The following CLUAP1 variants were observed in gnomAD, a reference collection of about 807,000 sequenced individuals.
The protein encoded by CLUAP1 is intraflagellar transport 38, also known as clusterin-associated protein 1.
In CLUAP1, 50 loss-of-function variants were observed where a neutral mutation model predicts 55.0. The ratio of observed to expected loss-of-function variants is 0.91; its 90% CI spans 0.72 to 1.15. CLUAP1 has a LOEUF of 1.15. Ranked by LOEUF, CLUAP1 falls within the 50% of genes most tolerant of loss-of-function variation. The pLI, the probability that CLUAP1 is intolerant of heterozygous loss-of-function variation, is 0.00. For missense variants in CLUAP1, 530 were observed against 507.6 expected, an observed-to-expected ratio of 1.04 and a Z score of -0.42; for synonymous variants, 195 against 175.4, an observed-to-expected ratio of 1.11 and a Z score of -0.88.
intron 8 of CLUAP1, among the ~76,000 whole-genome samples, chr16:3,525,470 AAC>A (rs1198492526): frequency 6.6e-6 from 1 of 152,116 alleles, no homozygotes. Context: ...CCATGCCGGA[AAC>A]ACAGTGCTTT....
At chr16:3,513,238 C>T (rs2037666713) in intron 5 of CLUAP1, among the ~76,000 whole-genome samples, 1 of 152,148 alleles carries the variant, frequency 6.6e-6, no homozygotes, top group Non-Finnish European at 1.5e-5. Flanking sequence ...GTGACCTGGG[C>T]ATTGGGAGTT....
chr16:3,499,164 G>A (rs1196180063), upstream of CLUAP1, among the ~76,000 whole-genome samples: 3 of 152,246 alleles, frequency 2.0e-5, no homozygotes, highest in Admixed American at 6.5e-5. Flanking sequence ...CGCCAACATG[G>A]CGAAACTCCG....
upstream of CLUAP1, chr16:3,496,059 T>G: frequency 3.1e-6 from 1 of 323,860 alleles, no homozygotes; most frequent in South Asian, 2.6e-5. Flanking sequence ...GAGAATGGCG[T>G]GAACCCGGGA....
intron 9 of CLUAP1, among the ~76,000 whole-genome samples, chr16:3,529,130 A>G (rs2038006101): frequency 6.6e-6 from 1 of 151,840 alleles, no homozygotes; most frequent in Non-Finnish European, 1.5e-5. Context: ...CATGTAACCT[A>G]TGCACATCCT....
At chr16:3,516,115 T>A (rs1295086598) in intron 6 of CLUAP1, among the ~76,000 whole-genome samples, 1 of 152,216 alleles carries the variant, frequency 6.6e-6, no homozygotes, top group African/African-American at 2.4e-5. Flanking sequence ...TCTCTGTGCC[T>A]CATTTTCCTC....
intron 4 of CLUAP1, among the ~76,000 whole-genome samples, chr16:3,509,043 T>A (rs1253192222): frequency 2.6e-5 from 4 of 151,900 alleles, no homozygotes; most frequent in African/African-American, 9.7e-5. Context: ...GATCCTTTGA[T>A]GCCAAGAGTT....
chr16:3,508,964 A>G (rs1413985374), intron 4 of CLUAP1, among the ~76,000 whole-genome samples: 3 of 144,952 alleles, frequency 2.1e-5, no homozygotes, highest in East Asian at 4.0e-4. Context: ...TCAGGATGAT[A>G]ATTTGTTTTG....
chr16:3,515,213 C>A (rs867258354), intron 5 of CLUAP1, among the ~76,000 whole-genome samples: 3 of 151,216 alleles, frequency 2.0e-5, no homozygotes, highest in African/African-American at 7.3e-5. Flanking sequence ...AAAAAAGAAG[C>A]AGCAGCAAAT....
intron 7 of CLUAP1, among the ~76,000 whole-genome samples, chr16:3,520,341 C>T (rs2037810139): frequency 6.6e-6 from 1 of 151,980 alleles, no homozygotes; most frequent in Non-Finnish European, 1.5e-5. Flanking sequence ...CACTGCACTC[C>T]AGCCTGAGCC....
chr16:3,509,120 C>G (rs935925387), intron 4 of CLUAP1, among the ~76,000 whole-genome samples: 1 of 151,952 alleles, frequency 6.6e-6, no homozygotes, highest in Non-Finnish European at 1.5e-5. Context: ...ATTAGCTAGG[C>G]GTGGTGGTAC....
upstream of CLUAP1, chr16:3,496,446 T>A: frequency 2.0e-6 from 2 of 980,738 alleles, no homozygotes; most frequent in Non-Finnish European, 3.1e-6. Flanking sequence ...AAAACGGCCG[T>A]GGTTGTGGGG....
intron 5 of CLUAP1, 51 bp downstream of exon 5, chr16:3,512,529 T>C: frequency 1.5e-6 from 2 of 1,378,824 alleles, no homozygotes; most frequent in Non-Finnish European, 2.1e-6. Flanking sequence ...TTCAAGGTTT[T>C]CTTTTTCAAT....
At chr16:3,532,983 C>T in intron 11 of CLUAP1, 142 bp downstream of exon 11, 1 of 1,327,710 alleles carries the variant, frequency 7.5e-7, no homozygotes, top group Non-Finnish European at 1.1e-6. Context: ...CAGGGTTTGG[C>T]CTCATGAGGC....
At chr16:3,499,936 AC>A (rs2037355731), upstream of CLUAP1, among the ~76,000 whole-genome samples, 1 of 152,266 alleles carries the variant, frequency 6.6e-6, no homozygotes, top group African/African-American at 2.4e-5. Flanking sequence ...GGCCCTGTCC[AC>A]CTAGGCTGGC....
intron 4 of CLUAP1, 37 bp downstream of exon 4, chr16:3,508,505 C>T (rs543824043): frequency 3.3e-5 from 50 of 1,495,360 alleles, no homozygotes; most frequent in African/African-American, 5.8e-5. Context: ...GGCGATGGAG[C>T]GTTGATTTCT....
intron 4 of CLUAP1, 67 bp from the exon 5 acceptor site, chr16:3,512,316 C>T: frequency 1.6e-6 from 2 of 1,247,466 alleles, no homozygotes; most frequent in South Asian, 1.2e-5. Context: ...GGTAACATAG[C>T]CAAGACCCTG....
chr16:3,505,659 C>A (rs1012146224), intron 2 of CLUAP1, among the ~76,000 whole-genome samples: 1 of 152,040 alleles, frequency 6.6e-6, no homozygotes, highest in Non-Finnish European at 1.5e-5. Context: ...GATGCTGGGC[C>A]AGGCTGCTCT....
chr16:3,495,512 C>T, the CLUAP1 span: 2 of 1,550,844 alleles, frequency 1.3e-6, no homozygotes, highest in Non-Finnish European at 8.7e-7. Context: ...GGCAGGTCTC[C>T]CCTGGCAACT....
chr16:3,496,637 G>A, upstream of CLUAP1: 1 of 533,344 alleles, frequency 1.9e-6, no homozygotes, highest in African/African-American at 1.9e-5. Flanking sequence ...TCTTCGCAAG[G>A]GCCGACAGGT....
Sources: allele counts gnomAD v4.1 joint callset (sites outside exome capture counted in the v4.1 genomes callset), GRCh38; gene constraint gnomAD v4.1.1; transcripts MANE v1.5; gene names NCBI Gene and HGNC (gene_info 2026-07-23, HGNC 2026-07-21).